The following CTNNBL1 variants were observed in gnomAD, a reference collection of about 807,000 sequenced individuals.
The protein encoded by CTNNBL1 is catenin beta like 1.
Under a neutral mutation model 72.7 loss-of-function variants are expected in CTNNBL1, and 31 were observed. That is an observed-to-expected ratio of 0.43 (90% CI 0.32 to 0.58). CTNNBL1 has a LOEUF of 0.58. Among genes scored for constraint, CTNNBL1 ranks in the 20% least tolerant of loss-of-function variants. CTNNBL1 has a pLI of 0.08. For synonymous variants in CTNNBL1, 240 were observed against 267.3 expected (o/e 0.90, Z 1.00); for missense variants, 534 against 725.1 (o/e 0.74, Z 3.03).
intron 11 of CTNNBL1, among the ~76,000 whole-genome samples, chr20:37,836,389 C>T (rs1313351418): frequency 1.3e-5 from 2 of 152,214 alleles, no homozygotes; most frequent in African/African-American, 2.4e-5. Flanking sequence ...CACTGGCCTC[C>T]CCTCTCCCAC....
At chr20:37,795,388 A>G (rs977645154) in intron 10 of CTNNBL1, among the ~76,000 whole-genome samples, 1 of 152,098 alleles carries the variant, frequency 6.6e-6, no homozygotes, top group Non-Finnish European at 1.5e-5. Context: ...GTTTTCAAAC[A>G]TTTTTCCTGC....
At chr20:37,838,383 G>C (rs921420232) in intron 11 of CTNNBL1, among the ~76,000 whole-genome samples, 1 of 152,166 alleles carries the variant, frequency 6.6e-6, no homozygotes, top group Non-Finnish European at 1.5e-5. Flanking sequence ...TAGCAGTGGT[G>C]GTAGTAGTCA....
intron 15 of CTNNBL1, among the ~76,000 whole-genome samples, chr20:37,870,882 G>T (rs926477115): frequency 1.3e-5 from 2 of 152,100 alleles, no homozygotes; most frequent in Non-Finnish European, 2.9e-5. Context: ...TAGATCCTCT[G>T]CCCTGGCTGC....
chr20:37,716,477 T>C (rs2072987308), intron 1 of CTNNBL1, among the ~76,000 whole-genome samples: 1 of 152,328 alleles, frequency 6.6e-6, no homozygotes, highest in African/African-American at 2.4e-5. Flanking sequence ...AATTGTCTTA[T>C]CTAAGAATAA....
chr20:37,731,393 G>A (rs549458848), intron 1 of CTNNBL1, among the ~76,000 whole-genome samples: 237 of 152,010 alleles, frequency 1.6e-3, no homozygotes, highest in Admixed American at 2.2e-3. Context: ...GCACCACCAC[G>A]CCTGGCTAAT....
chr20:37,805,191 C>T (rs2071944409), intron 11 of CTNNBL1, among the ~76,000 whole-genome samples: 2 of 152,220 alleles, frequency 1.3e-5, no homozygotes, highest in South Asian at 4.1e-4. Context: ...CCTCCGAGTG[C>T]CAGCCCTTCT....
chr20:37,783,189 G>A (rs145711135), intron 10 of CTNNBL1, among the ~76,000 whole-genome samples: 1 of 152,310 alleles, frequency 6.6e-6, no homozygotes, highest in East Asian at 1.9e-4. Flanking sequence ...GGAATTACAT[G>A]TGTGAGCCAT....
At chr20:37,852,252 A>G (rs2072402962) in intron 13 of CTNNBL1, among the ~76,000 whole-genome samples, 1 of 152,256 alleles carries the variant, frequency 6.6e-6, no homozygotes, top group Non-Finnish European at 1.5e-5. Flanking sequence ...AGAAATATTT[A>G]CGACACTTAA....
intron 13 of CTNNBL1, among the ~76,000 whole-genome samples, chr20:37,855,157 G>C (rs554030370): frequency 3.4e-5 from 5 of 148,014 alleles, no homozygotes; most frequent in Non-Finnish European, 5.9e-5. Context: ...GTTTCCATTA[G>C]TGATACTGAT....
intron 5 of CTNNBL1, among the ~76,000 whole-genome samples, chr20:37,762,550 A>G (rs1347741927): frequency 6.6e-6 from 1 of 152,198 alleles, no homozygotes; most frequent in Non-Finnish European, 1.5e-5. Flanking sequence ...CACCCCAGAC[A>G]GTCCTGATTT....
At chr20:37,735,070 G>A (rs913479552) in intron 2 of CTNNBL1, among the ~76,000 whole-genome samples, 3 of 152,170 alleles carry the variant, frequency 2.0e-5, no homozygotes, top group Non-Finnish European at 4.4e-5. Context: ...TGGTATGTTG[G>A]GTACATTGTG....
intron 4 of CTNNBL1, among the ~76,000 whole-genome samples, chr20:37,746,957 A>C (rs2073270755): frequency 6.6e-6 from 1 of 152,242 alleles, no homozygotes; most frequent in South Asian, 2.1e-4. Flanking sequence ...TGAATGTGTA[A>C]ATCTAGGCAT....
intron 1 of CTNNBL1, among the ~76,000 whole-genome samples, chr20:37,723,399 T>C (rs2073058442): frequency 1.3e-5 from 2 of 152,220 alleles, no homozygotes; most frequent in South Asian, 2.1e-4. Flanking sequence ...TATTCTCCAG[T>C]AATTACTGTG....
At chr20:37,842,872 G>A (rs2072316369) in intron 13 of CTNNBL1, among the ~76,000 whole-genome samples, 1 of 152,222 alleles carries the variant, frequency 6.6e-6, no homozygotes, top group African/African-American at 2.4e-5. Context: ...TTTACAGATG[G>A]AAAACTGGAG....
chr20:37,720,516 A>T (rs1019806863), intron 1 of CTNNBL1, among the ~76,000 whole-genome samples: 1 of 152,108 alleles, frequency 6.6e-6, no homozygotes, highest in African/African-American at 2.4e-5. Flanking sequence ...TTTTAAACTA[A>T]AAAAAAGGTG....
chr20:37,805,306 G>A (rs528389762), intron 11 of CTNNBL1, among the ~76,000 whole-genome samples: 1 of 152,074 alleles, frequency 6.6e-6, no homozygotes, highest in Non-Finnish European at 1.5e-5. Context: ...CGGGCTTCCA[G>A]CATGCTCTTC....
intron 1 of CTNNBL1, among the ~76,000 whole-genome samples, chr20:37,705,762 T>TC (rs1344528697): frequency 7.9e-5 from 12 of 152,234 alleles, no homozygotes; most frequent in African/African-American, 2.7e-4. Flanking sequence ...TGTCTTTTTT[T>TC]CCCCTTAGTG....
At chr20:37,730,030 A>T (rs1354723783) in intron 1 of CTNNBL1, among the ~76,000 whole-genome samples, 2 of 152,182 alleles carry the variant, frequency 1.3e-5, no homozygotes, top group Admixed American at 1.3e-4. Flanking sequence ...TAAATTGTCG[A>T]GTGTGAGTTT....
intron 1 of CTNNBL1, among the ~76,000 whole-genome samples, chr20:37,724,908 C>CTTTTTTT (rs748038781): frequency 8.2e-6 from 1 of 122,386 alleles, no homozygotes. Flanking sequence ...TCCTGTCAAT[C>CTTTTTTT]TTTTTTTTTT....
Sources: gnomAD v4.1 joint callset for allele counts (sites outside exome capture counted in the v4.1 genomes callset) on GRCh38, gnomAD v4.1.1 for gene constraint, MANE v1.5 for transcripts, NCBI Gene and HGNC (gene_info 2026-07-23, HGNC 2026-07-21) for gene names.